Variants in SLC8A1 observed in about 807,000 individuals in gnomAD.
SLC8A1 encodes solute carrier family 8 member A1, also known as sodium/calcium exchanger 1.
A neutral mutation model predicts 68.3 loss-of-function variants in SLC8A1; 18 were observed. The observed-to-expected ratio is 0.26, with a 90% CI of 0.18 to 0.39. SLC8A1 has a LOEUF of 0.39. Among genes scored for constraint, SLC8A1 ranks in the 10% least tolerant of loss-of-function variants. SLC8A1 has a pLI of 1.00. For synonymous variants in SLC8A1, 475 were observed against 415.5 expected, an observed-to-expected ratio of 1.14 and a Z score of -1.74; for missense variants, 985 against 1,156.7, an observed-to-expected ratio of 0.85 and a Z score of 2.15.
At chr2:40,409,451 T>C (rs1461950144) in intron 2 of SLC8A1, among the ~76,000 whole-genome samples, 1 of 152,118 alleles carries the variant, frequency 6.6e-6, no homozygotes, top group Admixed American at 6.6e-5. Flanking sequence ...TGGACAGAAA[T>C]AAATTTGAAC....
At chr2:40,306,804 G>A (rs1171737223) in intron 2 of SLC8A1, among the ~76,000 whole-genome samples, 2 of 152,114 alleles carry the variant, frequency 1.3e-5, no homozygotes, top group African/African-American at 4.8e-5. Context: ...TAACATTTGT[G>A]CTCCAATTTT....
intron 1 of SLC8A1, chr2:40,446,315 GTTAT>G (rs917332371): frequency 2.0e-5 from 3 of 152,194 alleles, no homozygotes; most frequent in Admixed American, 6.5e-5. Flanking sequence ...GGCTTATGTT[GTTAT>G]TTGTTTCAGA....
intron 2 of SLC8A1, among the ~76,000 whole-genome samples, chr2:40,204,957 A>G (rs1242743216): frequency 6.6e-6 from 1 of 152,004 alleles, no homozygotes; most frequent in Non-Finnish European, 1.5e-5. Context: ...GAGATGTGCC[A>G]TTCCATCTTC....
intron 2 of SLC8A1, among the ~76,000 whole-genome samples, chr2:40,378,771 A>G (rs1680772506): frequency 6.6e-6 from 1 of 151,984 alleles, no homozygotes; most frequent in Admixed American, 6.6e-5. Context: ...TTCCTGTTAA[A>G]TTCCTATTTT....
At chr2:40,145,714 G>A (rs1015086014) in intron 6 of SLC8A1, among the ~76,000 whole-genome samples, 1 of 152,166 alleles carries the variant, frequency 6.6e-6, no homozygotes, top group Non-Finnish European at 1.5e-5. Flanking sequence ...ATACATTTTT[G>A]TTCCCTAGTT....
At position 40,138,488 on chromosome 2, in the gene SLC8A1, G is replaced by C. The variant is rs2040941355; in HGVS notation, c.2437+913C>G. Among the ~76,000 whole-genome samples the C allele has an allele frequency of 2.6e-5, 4 of 152,150 alleles. No individual in the cohort carries two copies. The South Asian group carries it at 8.3e-4, about 32-fold the overall frequency. ...TTTGGTTAAGAACGTGGGTATTGTTGCTCAAAGTAAAGGCTATATATCTGT... is the reference window on the plus strand; with the variant it reads ...TTTGGTTAAGAACGTGGGTATTGTTCCTCAAAGTAAAGGCTATATATCTGT... On this transcript the variant is annotated intron_variant, in intron 7 of 7. Transcript: ENST00000406785.
At chr2:40,306,968 A>C (rs887586076) in intron 2 of SLC8A1, among the ~76,000 whole-genome samples, 1 of 152,162 alleles carries the variant, frequency 6.6e-6, no homozygotes, top group Non-Finnish European at 1.5e-5. Context: ...GTTTTAGTCC[A>C]TAAGTTGAAA....
At chr2:40,268,215 G>A (rs1283736625) in intron 2 of SLC8A1, among the ~76,000 whole-genome samples, 1 of 152,062 alleles carries the variant, frequency 6.6e-6, no homozygotes, top group Non-Finnish European at 1.5e-5. Flanking sequence ...TGTCCTTTGA[G>A]TGTAGTACCA....
At chr2:40,161,484 T>A (rs2045678523) in intron 5 of SLC8A1, among the ~76,000 whole-genome samples, 1 of 152,156 alleles carries the variant, frequency 6.6e-6, no homozygotes, top group Non-Finnish European at 1.5e-5. Context: ...AAAGTTCAGT[T>A]CTTATGGTTT....
intron 1 of SLC8A1, among the ~76,000 whole-genome samples, chr2:40,478,052 T>A (rs1704399391): frequency 6.6e-6 from 1 of 152,210 alleles, no homozygotes; most frequent in African/African-American, 2.4e-5. Flanking sequence ...TGAAAGTCAG[T>A]AATACAGTTT....
At chr2:40,124,542 G>C (rs926975882) in intron 7 of SLC8A1, among the ~76,000 whole-genome samples, 1 of 152,118 alleles carries the variant, frequency 6.6e-6, no homozygotes, top group African/African-American at 2.4e-5. Context: ...CTGTGATTTG[G>C]TGTAAAATTT....
rs59973309 is a variant in SLC8A1 at position 40,486,730 on chromosome 2, T to A, written c.-25+25619A>T. Among the ~76,000 whole-genome samples the A allele has an allele frequency of 2.8e-3, 427 of 152,140 alleles. 2 individuals carry two copies. Among genetic ancestry groups the A allele is most frequent in the African/African-American group, 9.7e-3 (401 of 41,490 alleles). ...ATGTTTTTTTTAATTTCTTTTTTTT[T>A]TTATTATTATACTTTAAGTTCTAGG... is the stretch of plus-strand genomic sequence containing the variant. On this transcript the variant is annotated intron_variant, in intron 1 of 7. Transcript: ENST00000402441.
intron 2 of SLC8A1, among the ~76,000 whole-genome samples, chr2:40,269,704 G>A (rs989165391): frequency 3.3e-5 from 5 of 152,130 alleles, no homozygotes; most frequent in African/African-American, 4.8e-5. Context: ...ACACAGAGGT[G>A]GTCACTGTGC....
chr2:40,140,584 T>TG (rs1230459586), intron 6 of SLC8A1, among the ~76,000 whole-genome samples: 2 of 152,236 alleles, frequency 1.3e-5, no homozygotes, highest in African/African-American at 4.8e-5. Context: ...GACAGCAAGC[T>TG]GGGCTTGAAC....
intron 6 of SLC8A1, among the ~76,000 whole-genome samples, chr2:40,149,647 C>A (rs772260909): frequency 6.6e-6 from 1 of 152,260 alleles, no homozygotes; most frequent in African/African-American, 2.4e-5. Flanking sequence ...GGAATCAGAA[C>A]TTGTGGGTCA....
chr2:40,347,757 A>G (rs1488940365), intron 2 of SLC8A1, among the ~76,000 whole-genome samples: 1 of 152,338 alleles, frequency 6.6e-6, no homozygotes, highest in East Asian at 1.9e-4. Flanking sequence ...ACAAACTCCA[A>G]GTTTTAATGA....
At chr2:40,192,506 T>C (rs1046071380) in intron 2 of SLC8A1, among the ~76,000 whole-genome samples, 1 of 152,140 alleles carries the variant, frequency 6.6e-6, no homozygotes, top group Non-Finnish European at 1.5e-5. Context: ...ACTTTAATCA[T>C]GGTACAATTA....
chr2:40,428,627 T>C, exon 2 of SLC8A1: 1 of 1,613,838 alleles, frequency 6.2e-7, no homozygotes, highest in South Asian at 1.1e-5. Context: ...ATGCCAATGC[T>C]CTCACTCACA....
intron 2 of SLC8A1, among the ~76,000 whole-genome samples, chr2:40,307,086 T>A (rs1372350000): frequency 1.3e-5 from 2 of 151,168 alleles, no homozygotes; most frequent in Non-Finnish European, 2.9e-5. Context: ...AGCCAAGAGG[T>A]GAAAGCAAAC....
Sources: gnomAD v4.1 joint callset for allele counts (sites outside exome capture counted in the v4.1 genomes callset) on GRCh38, gnomAD v4.1.1 for gene constraint, MANE v1.5 for transcripts, NCBI Gene and HGNC (gene_info 2026-07-23, HGNC 2026-07-21) for gene names.